Variants in SGMS1 observed in about 807,000 individuals in gnomAD.
SGMS1 encodes the protein phosphatidylcholine:ceramide cholinephosphotransferase 1.
A neutral mutation model predicts 46.2 loss-of-function variants in SGMS1; 13 were observed. That is an observed-to-expected ratio of 0.28 (90% confidence interval 0.18 to 0.45). The LOEUF (loss-of-function observed/expected upper bound fraction) is 0.45. SGMS1 is among the 20% of genes least tolerant of loss of function. The pLI, the probability that SGMS1 is intolerant of heterozygous loss-of-function variation, is 1.00. For synonymous variants in SGMS1, 203 were observed against 187.8 expected (o/e 1.08, Z -0.66); for missense variants, 324 against 519.9 (o/e 0.62, Z 3.66).
chr10:50,369,377 G>T (rs1848398603), intron 6 of SGMS1, among the ~76,000 whole-genome samples: 2 of 152,002 alleles, frequency 1.3e-5, no homozygotes, highest in Non-Finnish European at 2.9e-5. Flanking sequence ...ACATGCTTAT[G>T]GTCCCAGCTA....
intron 2 of SGMS1, among the ~76,000 whole-genome samples, chr10:50,562,439 A>AC: frequency 6.6e-6 from 1 of 151,464 alleles, no homozygotes; most frequent in East Asian, 2.0e-4. Flanking sequence ...CCTTCCCCCC[A>AC]CCACCTCTCT....
intron 8 of SGMS1, among the ~76,000 whole-genome samples, chr10:50,318,592 C>T (rs1847387076): frequency 6.6e-6 from 1 of 152,016 alleles, no homozygotes; most frequent in African/African-American, 2.4e-5. Context: ...TCACTGGTGG[C>T]CATCTCTTGA....
chr10:50,352,194 A>C (rs1272436329), intron 6 of SGMS1, among the ~76,000 whole-genome samples: 1 of 152,250 alleles, frequency 6.6e-6, no homozygotes, highest in Non-Finnish European at 1.5e-5. Context: ...TTGGACAGCT[A>C]TTCAGTACTT....
At chr10:50,612,857 C>A (rs1034029138) in intron 1 of SGMS1, among the ~76,000 whole-genome samples, 2 of 152,288 alleles carry the variant, frequency 1.3e-5, no homozygotes, top group South Asian at 4.2e-4. Flanking sequence ...TACAGGCGTG[C>A]GCCTCCATGC....
intron 5 of SGMS1, among the ~76,000 whole-genome samples, chr10:50,452,384 C>T (rs1195015275): frequency 1.3e-5 from 2 of 152,002 alleles, no homozygotes; most frequent in South Asian, 2.1e-4. Context: ...TGAGTTCTGT[C>T]GTAAATGAGT....
intron 5 of SGMS1, among the ~76,000 whole-genome samples, chr10:50,458,550 G>A (rs539495388): frequency 2.0e-5 from 3 of 151,424 alleles, no homozygotes; most frequent in South Asian, 2.1e-4. Context: ...TAGTAGAGAC[G>A]GGGTTTCACC....
chr10:50,503,690 G>C (rs371730851), intron 3 of SGMS1, among the ~76,000 whole-genome samples: 1 of 152,152 alleles, frequency 6.6e-6, no homozygotes, highest in Admixed American at 6.5e-5. Flanking sequence ...CTCTTCACAC[G>C]GATATGAGTG....
upstream of SGMS1, chr10:50,625,036 C>A: frequency 2.0e-6 from 2 of 1,003,234 alleles, no homozygotes; most frequent in Non-Finnish European, 2.4e-6. Context: ...GCCCTCCCAT[C>A]GGGCTTTGGG....
intron 3 of SGMS1, chr10:50,474,274 C>T (rs1837401404): frequency 6.6e-6 from 1 of 152,216 alleles, no homozygotes; most frequent in Non-Finnish European, 1.5e-5. Context: ...TTAGAGGAAA[C>T]AGCTTACATC....
rs865783713 is a variant in SGMS1, at chr10:50,349,917, G to A, written c.-231-5572C>T. 1.3e-5 allele frequency among the ~76,000 whole-genome samples: 2 copies of A among 152,196 alleles called. 1 individual carries two copies. Among genetic ancestry groups the A allele is most frequent in the South Asian group, 4.1e-4 (2 of 4,830 alleles). ...AGTACATTGGTACCAGTAGAGTAGG[G>A]TGTTGCTGAAAAGATATCTGAAAAT... On this transcript the variant is annotated intron_variant, in intron 6 of 10. Transcript: ENST00000361781.
intron 6 of SGMS1, among the ~76,000 whole-genome samples, chr10:50,412,743 A>G (rs2133574523): frequency 6.6e-6 from 1 of 152,348 alleles, no homozygotes; most frequent in Non-Finnish European, 1.5e-5. Flanking sequence ...ATAGAATTAC[A>G]CTGCTTAAGA....
At chr10:50,616,316 A>T (rs1838796904) in intron 1 of SGMS1, among the ~76,000 whole-genome samples, 1 of 152,002 alleles carries the variant, frequency 6.6e-6, no homozygotes, top group African/African-American at 2.4e-5. Flanking sequence ...TTATTTATTT[A>T]GTAGAGACAG....
At chr10:50,515,343 T>C (rs1286193406) in intron 3 of SGMS1, among the ~76,000 whole-genome samples, 1 of 152,224 alleles carries the variant, frequency 6.6e-6, no homozygotes, top group Non-Finnish European at 1.5e-5. Context: ...GGGCTGTGTC[T>C]CTGCATTGTT....
intron 2 of SGMS1, among the ~76,000 whole-genome samples, chr10:50,525,124 A>G (rs992967856): frequency 6.6e-6 from 1 of 152,264 alleles, no homozygotes; most frequent in Non-Finnish European, 1.5e-5. Flanking sequence ...AAGAGCTCTC[A>G]GAGGAAAGAA....
At chr10:50,551,178 A>G (rs1838145701) in intron 2 of SGMS1, among the ~76,000 whole-genome samples, 1 of 152,054 alleles carries the variant, frequency 6.6e-6, no homozygotes, top group Non-Finnish European at 1.5e-5. Context: ...CAGGTGATCA[A>G]GCTCAATATC....
At chr10:50,601,128 C>A (rs1838646120) in intron 1 of SGMS1, among the ~76,000 whole-genome samples, 1 of 152,116 alleles carries the variant, frequency 6.6e-6, no homozygotes, top group Non-Finnish European at 1.5e-5. Context: ...GCAGCTGTAG[C>A]AGAAATCCAG....
intron 2 of SGMS1, among the ~76,000 whole-genome samples, chr10:50,557,459 C>G (rs1191384183): frequency 6.6e-6 from 1 of 151,730 alleles, no homozygotes; most frequent in East Asian, 1.9e-4. Context: ...GTACTGCCCA[C>G]TAAATATTTA....
chr10:50,612,073 T>C (rs1234596927), intron 1 of SGMS1, among the ~76,000 whole-genome samples: 2 of 152,248 alleles, frequency 1.3e-5, no homozygotes, highest in Non-Finnish European at 2.9e-5. Context: ...CCTTAGGAGA[T>C]AGTTTTCTTG....
chr10:50,581,443 G>A (rs576783105), intron 2 of SGMS1, among the ~76,000 whole-genome samples: 1 of 152,296 alleles, frequency 6.6e-6, no homozygotes, highest in Admixed American at 6.5e-5. Context: ...TCAGAGTGGT[G>A]CCTATCACAT....
Sources: allele counts gnomAD v4.1 joint callset (sites outside exome capture counted in the v4.1 genomes callset), GRCh38; gene constraint gnomAD v4.1.1; transcripts MANE v1.5; gene names NCBI Gene and HGNC (gene_info 2026-07-23, HGNC 2026-07-21).